IPO11: variants seen among roughly 807,000 people sequenced by gnomAD.
IPO11 encodes the protein importin-11.
IPO11 carries 66 observed loss-of-function variants against 143.2 expected under a neutral mutation model. The observed-to-expected ratio is 0.46, with a 90% CI of 0.38 to 0.57. The LOEUF is 0.57. Among genes scored for constraint, IPO11 ranks in the 20% least tolerant of loss-of-function variants. IPO11 has a pLI of 0.00. For missense variants in IPO11, 1,026 were observed against 1,141.0 expected (o/e 0.90, Z 1.45); for synonymous variants, 385 against 377.8 (o/e 1.02, Z -0.22).
chr5:62,461,152 G>T, intron 5 of IPO11, among the ~76,000 whole-genome samples: 1 of 152,156 alleles, frequency 6.6e-6, no homozygotes, highest in Non-Finnish European at 1.5e-5. Flanking sequence ...TGCAGTAGGG[G>T]AGAGAAATTG....
At chr5:62,515,353 A>C in intron 19 of IPO11, 35 bp from the exon 20 acceptor site, 1 of 1,463,790 alleles carries the variant, frequency 6.8e-7, no homozygotes, top group Non-Finnish European at 9.4e-7. Context: ...TTTACCAATA[A>C]AATTTTGTTG....
intron 29 of IPO11, among the ~76,000 whole-genome samples, chr5:62,603,544 G>A (rs1035457727): frequency 6.6e-6 from 1 of 152,162 alleles, no homozygotes; most frequent in African/African-American, 2.4e-5. Context: ...AGCAGCTAAG[G>A]GTGCAAGACG....
intron 24 of IPO11, among the ~76,000 whole-genome samples, chr5:62,542,210 G>A (rs1742978514): frequency 6.6e-6 from 1 of 152,058 alleles, no homozygotes. Context: ...ATGTGTTTAA[G>A]ATGGTATTTT....
rs369569349 is a variant in IPO11, at chr5:62,483,203, G to A, written c.931G>A (p.Val311Ile). The A allele has an allele frequency of 1.9e-5, 31 of 1,610,170 alleles. No individual in the cohort carries two copies. The highest frequency in any genetic ancestry group is 3.3e-5 in the Admixed American group (2 of 59,924). The part of the protein sequence containing the change: ...SYVFTEVGEG[V>I]TFERFIVQCM... The stretch of plus-strand genomic sequence containing the variant: ...TGTTTTTACAGAAGTTGGTGAAGGC[G>A]TTACATTTGAACGATTCATTGTCCA... The change falls in exon 10 of 30, where the codon GTT becomes ATT. Residue 311 changes from valine to isoleucine, a missense_variant. Coordinates refer to ENST00000325324, the MANE Select transcript of IPO11 (RefSeq NM_016338.5).
In IPO11 at chr5:62,415,080, A is replaced by G. The variant is rs116144335; in HGVS notation, c.-7+2151A>G. Among the ~76,000 whole-genome samples the G allele has an allele frequency of 3.6e-3, 550 of 152,326 alleles. 4 individuals carry two copies. Among genetic ancestry groups the G allele is most frequent in the African/African-American group, 0.013 (534 of 41,570 alleles). On this transcript the variant is annotated intron_variant, in intron 1 of 29. Transcript: ENST00000325324. ...GGTGTTCATTCAATAACAAACGTCT[A>G]TTGGGTACTGTACAGGCAGCCTAAC...
chr5:62,498,673 G>A (rs1265995179), intron 16 of IPO11, among the ~76,000 whole-genome samples: 1 of 151,978 alleles, frequency 6.6e-6, no homozygotes, highest in East Asian at 1.9e-4. Context: ...TGGATCACCT[G>A]AGCCTGGCCA....
chr5:62,549,613 A>G (rs1394309448), intron 24 of IPO11, among the ~76,000 whole-genome samples: 1 of 152,128 alleles, frequency 6.6e-6, no homozygotes, highest in Non-Finnish European at 1.5e-5. Flanking sequence ...CCACCTCTCA[A>G]GCACTTAGGC....
chr5:62,585,503 A>G (rs1402502267), intron 27 of IPO11, among the ~76,000 whole-genome samples: 4 of 152,200 alleles, frequency 2.6e-5, no homozygotes, highest in Admixed American at 6.5e-5. Flanking sequence ...GTGGAGAACA[A>G]TGTGAGGCTA....
chr5:62,498,263 A>G (rs152200), intron 16 of IPO11, among the ~76,000 whole-genome samples: 4,012 of 152,216 alleles, frequency 0.026, 72 homozygotes, highest in Non-Finnish European at 0.042. Context: ...GCATATCGGT[A>G]GTTCCTTGTG....
chr5:62,486,520 C>T (rs1036680615), intron 12 of IPO11, among the ~76,000 whole-genome samples: 1 of 152,110 alleles, frequency 6.6e-6, no homozygotes, highest in Non-Finnish European at 1.5e-5. Context: ...TTATAGGATA[C>T]TTTTACAACG....
Position 62,628,469 on chromosome 5 carries a change from G to A in IPO11, c.*1151G>A, listed in dbSNP as rs960401119. On this transcript the variant is annotated 3_prime_UTR_variant, in exon 30 of 30. Transcript: ENST00000325324. The stretch of plus-strand genomic sequence containing the variant: ...AAAGTTGGGTACAGTATGTAACTGC[G>A]GGAAACCCACTGCCCCTTTGTAAGC... The A allele has an allele frequency of 5.2e-5, 8 of 152,562 alleles. No homozygotes were observed. The highest frequency in any genetic ancestry group is 2.1e-4 in the South Asian group (1 of 4,820). 9.5% of individuals were successfully genotyped at this position (152,562 alleles called of 1,614,324 possible). A position where few individuals can be genotyped will look rare whatever the true frequency, so the allele number is the denominator to read the frequency against.
In IPO11 at chr5:62,416,462, G is replaced by A. The variant is rs1271977192; in HGVS notation, c.-7+3533G>A. Among the ~76,000 whole-genome samples the A allele has an allele frequency of 3.3e-5, 5 of 152,156 alleles. No homozygotes were observed. The East Asian group carries it at 9.7e-4, about 29-fold the overall frequency. ...CTCCCAAAGTGCTGGGATTACAGGC[G>A]TGAGCCACTGCACTGGCCTGCTGTT... On this transcript the variant is annotated intron_variant, in intron 1 of 29. Transcript: ENST00000325324.
rs146566236 is a variant in IPO11, at chr5:62,574,460, T to C, written c.2582+13203T>C. Among the ~76,000 whole-genome samples, 30 of 152,336 alleles carry C rather than the reference T, an allele frequency of 2.0e-4. No homozygotes were observed. The East Asian group carries it at 5.0e-3, about 25-fold the overall frequency. On this transcript the variant is annotated intron_variant, in intron 27 of 29. Transcript: ENST00000325324. Reference sequence around the variant, plus strand: ...TCTAATATAGCTCAGATCTGAACTATAATCTGCTGAGTGAGATTAGTCTAT... The same window carrying C: ...TCTAATATAGCTCAGATCTGAACTACAATCTGCTGAGTGAGATTAGTCTAT...
chr5:62,616,719 C>CA (rs538760503), intron 29 of IPO11, among the ~76,000 whole-genome samples: 2,774 of 84,330 alleles, frequency 0.033, 359 homozygotes, highest in African/African-American at 0.099. Flanking sequence ...GACTCTGACT[C>CA]AAAAAAAAAA....
rs760722973 is a variant in IPO11, at chr5:62,606,480, TA to T, written c.2763+4658del. Among the ~76,000 whole-genome samples, 620 of 56,078 alleles carry T rather than the reference TA, an allele frequency of 0.011. 4 individuals are homozygous for T. In the Middle Eastern group the frequency reaches 0.14, roughly 13 times the overall value. The allele number at this position is 56,078 out of a possible 152,430, so 36.8% of individuals were successfully genotyped here. Reference sequence around the variant, plus strand: ...TAGACAACAGAACGAGACCCTGTCTTAAAAAAAAAAAAAAAAAAAAAAAAAA... The same window carrying T: ...TAGACAACAGAACGAGACCCTGTCTTAAAAAAAAAAAAAAAAAAAAAAAAA... On this transcript the variant is annotated intron_variant, in intron 29 of 29. Transcript: ENST00000325324.
chr5:62,489,026 GT>G (rs1442477264), intron 13 of IPO11, among the ~76,000 whole-genome samples: 2 of 152,038 alleles, frequency 1.3e-5, no homozygotes, highest in African/African-American at 2.4e-5. Flanking sequence ...TAATTTTGTG[GT>G]ATATAGCACA....
chr5:62,530,371 G>A (rs533354024), intron 21 of IPO11, among the ~76,000 whole-genome samples: 1 of 152,258 alleles, frequency 6.6e-6, no homozygotes, highest in South Asian at 2.1e-4. Context: ...ATGTACTTTG[G>A]TTTTGCATCC....
At chr5:62,433,376 A>G (rs537066670) in intron 1 of IPO11, among the ~76,000 whole-genome samples, 3 of 152,228 alleles carry the variant, frequency 2.0e-5, no homozygotes, top group South Asian at 4.1e-4. Context: ...GTTTCTTTTA[A>G]GGAGAATTTT....
At chr5:62,551,019 G>GCA (rs1554054854) in intron 25 of IPO11, among the ~76,000 whole-genome samples, 16 of 144,352 alleles carry the variant, frequency 1.1e-4, no homozygotes, top group African/African-American at 4.1e-4. Flanking sequence ...TCTCTTTATT[G>GCA]TATATATATA....
Sources: allele counts gnomAD v4.1 joint callset (sites outside exome capture counted in the v4.1 genomes callset), GRCh38; gene constraint gnomAD v4.1.1; transcripts MANE v1.5; gene names NCBI Gene and HGNC (gene_info 2026-07-23, HGNC 2026-07-21).